Variants in DPYD observed in about 807,000 individuals in gnomAD.
The protein encoded by DPYD is dihydropyrimidine dehydrogenase.
A neutral mutation model predicts 116.2 loss-of-function variants in DPYD; 109 were observed. The ratio of observed to expected loss-of-function variants is 0.94; its 90% CI spans 0.80 to 1.10. DPYD has a LOEUF of 1.10. Among genes scored for constraint, DPYD ranks in the 50% least tolerant of loss-of-function variants. The pLI is 0.00. For synonymous variants in DPYD, 440 were observed against 432.0 expected, an observed-to-expected ratio of 1.02 and a Z score of -0.23; for missense variants, 1,302 against 1,254.5, an observed-to-expected ratio of 1.04 and a Z score of -0.57.
In DPYD at chr1:97,547,647, C is replaced by A. The variant is rs899825946; in HGVS notation, c.1524+1913G>T. Among the ~76,000 whole-genome samples the A allele has an allele frequency of 4.1e-4, 63 of 151,932 alleles. 2 individuals carry two copies. The highest frequency in any genetic ancestry group is 5.9e-5 in the Non-Finnish European group (4 of 67,966). ...TTTGTCTCTTTGCAAAATCCACAGG[C>A]TCCTTTCTCTCTCTTTCTCTCTCGT... On this transcript the variant is annotated intron_variant, in intron 12 of 22. Transcript: ENST00000370192.
chr1:97,784,415 G>T (rs1182717829), intron 3 of DPYD, among the ~76,000 whole-genome samples: 1 of 152,142 alleles, frequency 6.6e-6, no homozygotes, highest in Non-Finnish European at 1.5e-5. Flanking sequence ...ATCTCTAGAT[G>T]AAGAGGACAT....
chr1:97,751,468 A>ATATATATATATATATG (rs1664912723), intron 3 of DPYD, among the ~76,000 whole-genome samples: 1 of 93,892 alleles, frequency 1.1e-5, no homozygotes, highest in Non-Finnish European at 2.2e-5. Flanking sequence ...GTGTATATAT[A>ATATATATATATATATG]TATATATATA....
intron 20 of DPYD, among the ~76,000 whole-genome samples, chr1:97,105,379 C>T (rs1297084876): frequency 6.6e-6 from 1 of 151,962 alleles, no homozygotes; most frequent in Admixed American, 6.6e-5. Context: ...ACAGGGAGAG[C>T]CACTATTTAA....
intron 2 of DPYD, among the ~76,000 whole-genome samples, chr1:97,837,501 G>GA (rs1302323145): frequency 7.9e-5 from 12 of 152,186 alleles, no homozygotes; most frequent in Admixed American, 7.2e-4. Flanking sequence ...CTCCATCTCT[G>GA]ATTGTGTGCA....
At chr1:97,563,201 C>T (rs1056350528) in intron 11 of DPYD, among the ~76,000 whole-genome samples, 3 of 152,180 alleles carry the variant, frequency 2.0e-5, no homozygotes, top group African/African-American at 7.2e-5. Context: ...TTAAATCTTA[C>T]ATCTTGATTT....
chr1:97,557,350 C>T (rs1456595401), intron 11 of DPYD, among the ~76,000 whole-genome samples: 8 of 147,432 alleles, frequency 5.4e-5, no homozygotes, highest in Admixed American at 2.7e-4. Flanking sequence ...CTCTGCCGCC[C>T]AGTCTGGAGT....
At chr1:97,718,041 C>T (rs1046121156) in intron 5 of DPYD, among the ~76,000 whole-genome samples, 1 of 152,060 alleles carries the variant, frequency 6.6e-6, no homozygotes, top group Non-Finnish European at 1.5e-5. Context: ...TAAGAAATTT[C>T]CACACTGTTT....
chr1:97,883,391 C>T lies in DPYD; in HGVS notation c.40-17G>A, dbSNP rs186697839. 36 of 1,503,164 alleles carry T rather than the reference C, an allele frequency of 2.4e-5. No homozygotes were observed. The highest frequency in any genetic ancestry group is 1.8e-4 in the Admixed American group (11 of 59,760). 93.1% of individuals were successfully genotyped at this position (1,503,164 alleles called of 1,614,324 possible). On this transcript the variant is annotated splice_polypyrimidine_tract_variant and intron_variant, in intron 1 of 22. Coordinates refer to ENST00000370192, the MANE Select transcript of DPYD (RefSeq NM_000110.4). ...CAGGATACTCTAAAGACAGCATAAA[C>T]AATGTGTAAATATATGGAAATATGT...
chr1:97,702,119 G>A (rs1451215071), intron 5 of DPYD, among the ~76,000 whole-genome samples: 1 of 151,410 alleles, frequency 6.6e-6, no homozygotes, highest in African/African-American at 2.4e-5. Flanking sequence ...TAAGCAATGT[G>A]AACAAGGAAC....
At chr1:97,546,540 A>G (rs1297679038) in intron 12 of DPYD, 4 of 1,597,182 alleles carry the variant, frequency 2.5e-6, no homozygotes, top group Non-Finnish European at 3.4e-6. Context: ...TACAAAGCAT[A>G]CAGCAAGAAG....
chr1:97,405,572 G>A (rs867998265), intron 14 of DPYD, among the ~76,000 whole-genome samples: 40 of 152,134 alleles, frequency 2.6e-4, no homozygotes, highest in Admixed American at 7.2e-4. Context: ...CTGGAGTGCA[G>A]TTCTGTGATC....
chr1:97,386,202 AG>A (rs1672334180), intron 14 of DPYD, among the ~76,000 whole-genome samples: 1 of 152,098 alleles, frequency 6.6e-6, no homozygotes, highest in Non-Finnish European at 1.5e-5. Context: ...AAGATGAGAA[AG>A]TATCCCCACC....
intron 14 of DPYD, among the ~76,000 whole-genome samples, chr1:97,434,062 G>A (rs1019904595): frequency 6.6e-6 from 1 of 151,956 alleles, no homozygotes; most frequent in Non-Finnish European, 1.5e-5. Flanking sequence ...AACAGTCACT[G>A]ATCATTTTAA....
rs1055578621 is a variant in DPYD, at chr1:97,756,331, T to C, written c.234-15852A>G. Among the ~76,000 whole-genome samples, 8 of 152,280 alleles carry C rather than the reference T, an allele frequency of 5.3e-5. No individual in the cohort carries two copies. In the East Asian group the frequency reaches 1.5e-3, roughly 29 times the overall value. On this transcript the variant is annotated intron_variant, in intron 3 of 22. Coordinates refer to ENST00000370192, the MANE Select transcript of DPYD (RefSeq NM_000110.4). ...TTACACAATGACTTGGCAATCATTA[T>C]CTTATAGCGCAGGGTGGTGGGAGCA... is the stretch of plus-strand genomic sequence containing the variant.
intron 18 of DPYD, among the ~76,000 whole-genome samples, chr1:97,240,174 T>C (rs1319946777): frequency 1.3e-5 from 2 of 151,994 alleles, no homozygotes. Flanking sequence ...TGTCATAATG[T>C]TGATGAAGAT....
chr1:97,151,398 G>A (rs1187003455), intron 20 of DPYD, among the ~76,000 whole-genome samples: 1 of 152,160 alleles, frequency 6.6e-6, no homozygotes, highest in Non-Finnish European at 1.5e-5. Flanking sequence ...GTGGGGCTGG[G>A]TGCAGTGGCT....
At chr1:97,755,108 G>A (rs564533751) in intron 3 of DPYD, among the ~76,000 whole-genome samples, 33 of 152,164 alleles carry the variant, frequency 2.2e-4, no homozygotes, top group Admixed American at 7.2e-4. Context: ...GCACCAACCC[G>A]GTTCTCCCCT....
At chr1:97,884,293 A>G (rs1672377228) in intron 1 of DPYD, among the ~76,000 whole-genome samples, 1 of 152,084 alleles carries the variant, frequency 6.6e-6, no homozygotes, top group East Asian at 1.9e-4. Flanking sequence ...AGGAGGAAAC[A>G]TGGTAGTAGC....
intron 1 of DPYD, among the ~76,000 whole-genome samples, chr1:97,883,648 T>C (rs1386484620): frequency 1.3e-5 from 2 of 152,006 alleles, no homozygotes; most frequent in Non-Finnish European, 2.9e-5. Context: ...GGTTTCGCCA[T>C]GTTGCCCAGG....
Sources: gnomAD v4.1 joint callset for allele counts (sites outside exome capture counted in the v4.1 genomes callset) on GRCh38, gnomAD v4.1.1 for gene constraint, MANE v1.5 for transcripts, NCBI Gene and HGNC (gene_info 2026-07-23, HGNC 2026-07-21) for gene names.